BIRC2: variants seen among roughly 807,000 people sequenced by gnomAD.
The protein encoded by BIRC2 is baculoviral IAP repeat-containing protein 2.
BIRC2 carries 18 observed loss-of-function variants against 60.9 expected under a neutral mutation model. The ratio of observed to expected loss-of-function variants is 0.30; its 90% CI spans 0.20 to 0.44. The LOEUF is 0.44. Among genes scored for constraint, BIRC2 ranks in the 20% least tolerant of loss-of-function variants. BIRC2 has a pLI of 1.00. For missense variants in BIRC2, 701 were observed against 728.5 expected (o/e 0.96, Z 0.43); for synonymous variants, 282 against 247.7 (o/e 1.14, Z -1.30).
At chr11:102,362,261 T>A (rs1445568621) in intron 3 of BIRC2, among the ~76,000 whole-genome samples, 1 of 152,188 alleles carries the variant, frequency 6.6e-6, no homozygotes, top group Non-Finnish European at 1.5e-5. Context: ...TCCTTTTTTT[T>A]AACATATGAA....
intron 6 of BIRC2, among the ~76,000 whole-genome samples, chr11:102,376,326 C>G (rs1199700106): frequency 6.6e-6 from 1 of 152,102 alleles, no homozygotes. Context: ...TTGGGAATGA[C>G]ATGGAGATCT....
intron 5 of BIRC2, among the ~76,000 whole-genome samples, chr11:102,364,609 G>A (rs1033490609): frequency 4.6e-5 from 7 of 152,258 alleles, no homozygotes; most frequent in East Asian, 1.9e-4. Flanking sequence ...TAGTAATCCC[G>A]TTTTATGTGC....
Position 102,350,743 on chromosome 11 carries a change from T to C in BIRC2, c.889T>C (p.Tyr297His), listed in dbSNP as rs374540712. 1.1e-5 allele frequency: 17 copies of C among 1,604,768 alleles called. No homozygotes were observed. The highest frequency in any genetic ancestry group is 1.4e-5 in the Non-Finnish European group (17 of 1,175,732). ...GCAGCTTGCAAGTGCTGGTTTTTAT[T>C]ATGTGGGTAAGAAGCAAATAACTAT... ...PEQLASAGFY[Y>H]VGRNDDVKCF... The change falls in exon 2 of 9, where the codon TAT becomes CAT. Residue 297 changes from tyrosine (Y) to histidine (H), a missense_variant. Physicochemically the swap from Tyr to His is moderately conservative, Grantham distance 83. Transcript: ENST00000227758.
At position 102,358,852 on chromosome 11, in the gene BIRC2, T is replaced by G. The variant is rs375523497; in HGVS notation, c.996-4044T>G. Among the ~76,000 whole-genome samples, 105 of 152,310 alleles carry G rather than the reference T, an allele frequency of 6.9e-4. 2 individuals are homozygous for G. In the South Asian group the frequency reaches 0.02, roughly 29 times the overall value. ...TTTTTCCTATACCCATGCATGTGCT[T>G]AAAGGTGAATTGAGTCTCTTGTAGA... On this transcript the variant is annotated intron_variant, in intron 3 of 8. Coordinates refer to ENST00000227758, the MANE Select transcript of BIRC2 (RefSeq NM_001166.5).
intron 6 of BIRC2, among the ~76,000 whole-genome samples, chr11:102,373,554 C>A (rs1362354653): frequency 6.6e-6 from 1 of 152,006 alleles, no homozygotes; most frequent in South Asian, 2.1e-4. Context: ...GTCTGATGGG[C>A]TTCCCTTTGA....
intron 6 of BIRC2, among the ~76,000 whole-genome samples, chr11:102,375,121 C>T (rs376699791): frequency 6.0e-4 from 92 of 152,332 alleles, no homozygotes; most frequent in African/African-American, 2.2e-3. Context: ...AGAAATCACC[C>T]GTCTTGTGCG....
In BIRC2 at chr11:102,349,753, A is replaced by C; in HGVS notation, c.-102A>C. The C allele has an allele frequency of 8.3e-7, 1 of 1,210,858 alleles. No homozygotes were observed. Among genetic ancestry groups the C allele is most frequent in the Admixed American group, 2.3e-5 (1 of 42,964 alleles). 75.0% of individuals were successfully genotyped at this position (1,210,858 alleles called of 1,614,324 possible). A position where few individuals can be genotyped will look rare whatever the true frequency, so the allele number is the denominator to read the frequency against. ...GTAAAGAAAGTGTAGTAAATTCTAC[A>C]TAAGAGTCTATCATTGATTTCTTTT... On this transcript the variant is annotated 5_prime_UTR_variant, in exon 2 of 9. Coordinates refer to ENST00000227758, the MANE Select transcript of BIRC2 (RefSeq NM_001166.5).
chr11:102,364,997 A>T (rs1951537385), intron 5 of BIRC2, among the ~76,000 whole-genome samples: 1 of 152,188 alleles, frequency 6.6e-6, no homozygotes, highest in African/African-American at 2.4e-5. Flanking sequence ...TTCTGTCTTG[A>T]TAATTTTCTA....
In BIRC2 at chr11:102,349,698, C is replaced by T. The variant is rs1432118638; in HGVS notation, c.-157C>T. 7.9e-6 allele frequency: 6 copies of T among 758,382 alleles called. No individual in the cohort carries two copies. Among genetic ancestry groups the T allele is most frequent in the South Asian group, 2.1e-5 (1 of 48,556 alleles). 47.0% of individuals were successfully genotyped at this position (758,382 alleles called of 1,614,324 possible). A position where few individuals can be genotyped will look rare whatever the true frequency, so the allele number is the denominator to read the frequency against. ...CTTGGTAATTCAGAGAGATACTCAT[C>T]CTACCTGAATATAAACTGAGATAAA... On this transcript the variant is annotated 5_prime_UTR_variant, in exon 2 of 9. Coordinates refer to ENST00000227758, the MANE Select transcript of BIRC2 (RefSeq NM_001166.5).
intron 5 of BIRC2, among the ~76,000 whole-genome samples, chr11:102,366,511 C>G (rs185852849): frequency 1.3e-5 from 2 of 151,980 alleles, no homozygotes; most frequent in Admixed American, 1.3e-4. Context: ...GGACTACAGG[C>G]GCCCACCACC....
chr11:102,357,770 C>G (rs1951440073), intron 3 of BIRC2, among the ~76,000 whole-genome samples: 1 of 152,032 alleles, frequency 6.6e-6, no homozygotes. Flanking sequence ...TTTGTAGTCT[C>G]TATTTCATGA....
chr11:102,347,912 A>G (rs1284043842), intron 1 of BIRC2: 2 of 152,204 alleles, frequency 1.3e-5, no homozygotes, highest in Non-Finnish European at 2.9e-5. Context: ...ATTTGCGTAA[A>G]GAGAATGCAG....
intron 3 of BIRC2, chr11:102,362,660 TTTG>T (rs1459206637): frequency 1.1e-5 from 4 of 373,624 alleles, no homozygotes; most frequent in East Asian, 8.4e-5. Flanking sequence ...CGCTTTTCTT[TTTG>T]TTGTTGTGTT....
At chr11:102,364,173 A>ATATATATATATATG (rs1951522926) in intron 5 of BIRC2, among the ~76,000 whole-genome samples, 1 of 97,704 alleles carries the variant, frequency 1.0e-5, no homozygotes, top group African/African-American at 5.1e-5. Context: ...ATATATATAT[A>ATATATATATATATG]TACACACACA....
At chr11:102,372,148 T>G (rs1178678629) in intron 6 of BIRC2, among the ~76,000 whole-genome samples, 1 of 152,186 alleles carries the variant, frequency 6.6e-6, no homozygotes. Flanking sequence ...TTTGAAGGGT[T>G]TTTTTGTGTC....
chr11:102,369,688 G>A lies in BIRC2; in HGVS notation c.1366+1140G>A, dbSNP rs1027691377. The stretch of plus-strand genomic sequence containing the variant: ...CATTTGGGTATATACCCAGTAATGG[G>A]ATGGCTGGGTCAAATGGTATTTCTA... On this transcript the variant is annotated intron_variant, in intron 6 of 8. Transcript: ENST00000227758. Among the ~76,000 whole-genome samples, 12 of 148,088 alleles carry A rather than the reference G, an allele frequency of 8.1e-5. No homozygotes were observed. In the East Asian group the frequency reaches 2.4e-3, roughly 29 times the overall value.
In BIRC2 at chr11:102,350,237, C is replaced by T. The variant is rs754662778; in HGVS notation, c.383C>T (p.Thr128Met). 18 of 1,614,076 alleles carry T rather than the reference C, an allele frequency of 1.1e-5. No individual in the cohort carries two copies. Among genetic ancestry groups the T allele is most frequent in the African/African-American group, 5.3e-5 (4 of 74,928 alleles). ...AGTCTGGGATCCACCTCTAAGAATACGTCTCCAATGAGAAACAGTTTTGCA... is the reference window on the plus strand; with the variant it reads ...AGTCTGGGATCCACCTCTAAGAATATGTCTCCAATGAGAAACAGTTTTGCA... ...SASLGSTSKNTSPMRNSFAHS... is the reference protein window; with the variant it reads ...SASLGSTSKNMSPMRNSFAHS... The change falls in exon 2 of 9, where the codon ACG becomes ATG. Residue 128 changes from threonine (T) to methionine (M), a missense_variant. Physicochemically the swap from Thr to Met is moderately conservative, Grantham distance 81. Around this residue, in one of 4 missense-constraint regions of BIRC2, gnomAD observed 375 missense variants for 365.9 expected, o/e 1.02. Transcript: ENST00000227758.
chr11:102,349,665 A>C lies in BIRC2; in HGVS notation c.-190A>C. The C allele has an allele frequency of 1.7e-6, 1 of 587,582 alleles. No homozygotes were observed. The highest frequency in any genetic ancestry group is 2.9e-6 in the Non-Finnish European group (1 of 348,056). The allele number at this position is 587,582 out of a possible 1,614,324, so 36.4% of individuals were successfully genotyped here. On this transcript the variant is annotated 5_prime_UTR_variant, in exon 2 of 9. Transcript: ENST00000227758. Reference sequence around the variant, plus strand: ...TACAACCCCAAAGAGTTGTGTTCTAAGTAGTATCTTGGTAATTCAGAGAGA... The same window carrying C: ...TACAACCCCAAAGAGTTGTGTTCTACGTAGTATCTTGGTAATTCAGAGAGA...
At chr11:102,375,954 A>T (rs1951708120) in intron 6 of BIRC2, among the ~76,000 whole-genome samples, 1 of 148,178 alleles carries the variant, frequency 6.7e-6, no homozygotes, top group Admixed American at 6.7e-5. Flanking sequence ...AGCTCCTAGC[A>T]CGTCAATTTT....
Sources: allele counts gnomAD v4.1 joint callset (sites outside exome capture counted in the v4.1 genomes callset), GRCh38; gene constraint gnomAD v4.1.1; regional missense constraint gnomAD v4.1.1; transcripts MANE v1.5; gene names NCBI Gene and HGNC (gene_info 2026-07-23, HGNC 2026-07-21).